The following AHNAK2 variants were observed in gnomAD, a reference collection of about 807,000 sequenced individuals.
The protein encoded by AHNAK2 is protein AHNAK2.
In AHNAK2, 18 loss-of-function variants were observed where a neutral mutation model predicts 30.7. The observed-to-expected ratio is 0.59, with a 90% CI of 0.41 to 0.87. The LOEUF is 0.87. AHNAK2 is among the 40% of genes least tolerant of loss of function. The pLI is 0.00. For synonymous variants in AHNAK2, 3,590 were observed against 3,073.8 expected (o/e 1.17, Z -5.56); for missense variants, 8,604 against 7,373.0 (o/e 1.17, Z -6.11).
Position 104,944,348 on chromosome 14 carries a change from C to G in AHNAK2, c.11103G>C (p.Gln3701His), listed in dbSNP as rs1433270231. ...GGCCCTCCGGGAGCTTCACATCCAT[C>G]TGGCCAGCCTGGACCTTCAGGTCGG... ...PSADLKVQAG[Q>H]MDVKLPEGQV... Residue 3701 changes from glutamine (Q) to histidine (H), a missense_variant, in exon 7 of 7, where the codon CAG becomes CAC. Coordinates refer to ENST00000333244, the MANE Select transcript of AHNAK2 (RefSeq NM_138420.4). 2 of 1,612,076 alleles carry G rather than the reference C, an allele frequency of 1.2e-6. No individual in the cohort carries two copies. The highest frequency in any genetic ancestry group is 2.7e-5 in the African/African-American group (2 of 74,510).
chr14:104,940,216 C>A lies in AHNAK2; in HGVS notation c.15235G>T (p.Ala5079Ser). The A allele has an allele frequency of 1.2e-6, 2 of 1,613,608 alleles. No individual in the cohort carries two copies. Among genetic ancestry groups the A allele is most frequent in the Non-Finnish European group, 1.7e-6 (2 of 1,179,898 alleles). ...GRGGLGATASATGSEGVNLHR... is the reference protein window; with the variant it reads ...GRGGLGATASSTGSEGVNLHR... ...AGGTTCACACCCTCACTTCCTGTGGCACTTGCTGTTGCACCAAGTCCTCCC... is the reference window on the plus strand; with the variant it reads ...AGGTTCACACCCTCACTTCCTGTGGAACTTGCTGTTGCACCAAGTCCTCCC... Residue 5079 changes from alanine to serine, a missense_variant, in exon 7 of 7, where the codon GCC (alanine) becomes TCC (serine). By Grantham distance (99) the Ala-to-Ser change is moderately conservative. Transcript: ENST00000333244. This position sits in a 1 kb window ranked among gnomAD's most constrained non-coding sequence, Gnocchi z 4.4.
At position 104,947,858 on chromosome 14, in the gene AHNAK2, G is replaced by C. The variant is rs576960562; in HGVS notation, c.7593C>G (p.Leu2531=). 92 of 1,612,590 alleles carry C rather than the reference G, an allele frequency of 5.7e-5. 1 individual carries two copies. Among genetic ancestry groups the C allele is most frequent in the African/African-American group, 3.9e-4 (29 of 74,548 alleles). ...SMQGDLKATD[L]SIQPPSADLE... ...GGTCAGCGGAAGGGGGCTGAATGCT[G>C]AGGTCAGTGGCCTTGAGGTCCCCCT... Residue 2531 remains leucine, a synonymous_variant, in exon 7 of 7, where the codon CTC becomes CTG. Transcript: ENST00000333244.
Position 104,947,558 on chromosome 14 carries a change from C to T in AHNAK2, c.7893G>A (p.Glu2631=), listed in dbSNP as rs367650805. The part of the protein sequence containing the change: ...PRAKLDGARL[E]GDLSLADKGV... ...CCTTGTCGGCCAGGGACAGGTCCCC[C>T]TCCAGCCGCGCACCATCCAGCTTTG... The change falls in exon 7 of 7, where the codon GAG becomes GAA. Residue 2631 remains glutamate (E), a synonymous_variant. Transcript: ENST00000333244. 4.8e-5 allele frequency: 77 copies of T among 1,612,998 alleles called. 1 individual carries two copies. The highest frequency in any genetic ancestry group is 6.0e-5 in the Non-Finnish European group (71 of 1,179,740).
At position 104,942,518 on chromosome 14, in the gene AHNAK2, A is replaced by C. The variant is rs371380674; in HGVS notation, c.12933T>G (p.Ser4311=). 1,952 of 1,610,644 alleles carry C rather than the reference A, an allele frequency of 1.2e-3. 12 individuals are homozygous for C. In the African/African-American group the frequency reaches 0.012, roughly 10 times the overall value. ...AGGCCTCGATGGACTTGCCTGGGGCAGACACCCCGAACGACGGCATCTTGA... is the reference window on the plus strand; with the variant it reads ...AGGCCTCGATGGACTTGCCTGGGGCCGACACCCCGAACGACGGCATCTTGA... The part of the protein sequence containing the change: ...PKFKMPSFGV[S]APGKSIEASL... Residue 4311 remains serine (S), a synonymous_variant, in exon 7 of 7, where the codon TCT becomes TCG. Coordinates refer to ENST00000333244, the MANE Select transcript of AHNAK2 (RefSeq NM_138420.4).
rs768747517 is a variant in AHNAK2, at chr14:104,953,322, C to T, written c.2129G>A (p.Ser710Asn). The stretch of plus-strand genomic sequence containing the variant: ...GAGGTCCCCCTGCATGGAGAGGAGG[C>T]TCACGTCGGCCTCCACCTTCGGCGC... ...VSAPKVEADV[S>N]LLSMQGDLKT... Residue 710 changes from serine (S) to asparagine (N), a missense_variant, in exon 7 of 7, where the codon AGC (serine) becomes AAC (asparagine). Ser to Asn is a conservative substitution (Grantham distance 46). Transcript: ENST00000333244. 5.6e-6 allele frequency: 9 copies of T among 1,613,198 alleles called. No individual in the cohort carries two copies. Among genetic ancestry groups the T allele is most frequent in the Middle Eastern group, 1.6e-4 (1 of 6,082 alleles).
intron 1 of AHNAK2, among the ~76,000 whole-genome samples, chr14:104,971,067 A>G (rs1039300124): frequency 1.3e-5 from 2 of 152,118 alleles, no homozygotes; most frequent in African/African-American, 4.8e-5. Flanking sequence ...CACAGCGGCC[A>G]CCACACCTCG....
At position 104,952,778 on chromosome 14, in the gene AHNAK2, C is replaced by T. The variant is rs1452722166; in HGVS notation, c.2673G>A (p.Glu891=). Reference sequence around the variant, plus strand: ...TCACATCCACTTGGCCAGCCTGGACCTCCAGGTCAGCGGAAGGGGGCTGAA... The same window carrying T: ...TCACATCCACTTGGCCAGCCTGGACTTCCAGGTCAGCGGAAGGGGGCTGAA... The part of the protein sequence containing the change: ...LSIQPPSADL[E]VQAGQVDVKL... Residue 891 remains glutamate (E), a synonymous_variant, in exon 7 of 7, where the codon GAG becomes GAA. Transcript: ENST00000333244. The T allele has an allele frequency of 6.2e-7, 1 of 1,612,472 alleles. No individual in the cohort carries two copies. Among genetic ancestry groups the T allele is most frequent in the South Asian group, 1.1e-5 (1 of 91,044 alleles).
intron 1 of AHNAK2, 136 bp downstream of exon 1, chr14:104,978,047 C>A: frequency 1.5e-6 from 1 of 660,446 alleles, no homozygotes; most frequent in African/African-American, 1.9e-5. Flanking sequence ...CAGAACCACG[C>A]GCGAGTCCCG....
rs1377268612 is a variant in AHNAK2 at position 104,948,020 on chromosome 14, A to T, written c.7431T>A (p.Thr2477=). 1.2e-6 allele frequency: 2 copies of T among 1,609,802 alleles called. No individual in the cohort carries two copies. Among genetic ancestry groups the T allele is most frequent in the African/African-American group, 1.4e-5 (1 of 73,452 alleles). Residue 2477 remains threonine, a synonymous_variant, in exon 7 of 7, where the codon ACT becomes ACA. Coordinates refer to ENST00000333244, the MANE Select transcript of AHNAK2 (RefSeq NM_138420.4). ...GDLSVADKDV[T]TKDSRFKIPK... ...GAATTTTGAACCTGCTGTCTTTGGT[A>T]GTCACATCCTTGTCCGCCACAGACA...
At position 104,945,668 on chromosome 14, in the gene AHNAK2, A is replaced by C. The variant is rs28564728; in HGVS notation, c.9783T>G (p.Asp3261Glu). The change falls in exon 7 of 7, where the codon GAT becomes GAG. Residue 3261 changes from aspartate (D) to glutamate (E), a missense_variant. Coordinates refer to ENST00000333244, the MANE Select transcript of AHNAK2 (RefSeq NM_138420.4). Reference protein sequence around the residue: ...PKLDLKGPKMDVTAPDVEVSQ... With the variant: ...PKLDLKGPKMEVTAPDVEVSQ... ...ACACCTCCACGTCGGGGGCCGTCAC[A>C]TCCATCTTCGGGCCTTTCAGGTCCA... 1.6e-5 allele frequency: 24 copies of C among 1,544,450 alleles called. No individual in the cohort carries two copies. In the East Asian group the frequency reaches 3.9e-4, roughly 25 times the overall value.
chr14:104,973,517 G>C (rs962911786), intron 1 of AHNAK2, among the ~76,000 whole-genome samples: 1 of 152,170 alleles, frequency 6.6e-6, no homozygotes, highest in African/African-American at 2.4e-5. Flanking sequence ...TGAGTCATGG[G>C]GCCTCCTGCC....
In AHNAK2 at chr14:104,939,546, G is replaced by T. The variant is rs759777856; in HGVS notation, c.15905C>A (p.Ser5302Tyr). 27 of 1,613,708 alleles carry T rather than the reference G, an allele frequency of 1.7e-5. No homozygotes were observed. Among genetic ancestry groups the T allele is most frequent in the Non-Finnish European group, 4.2e-6 (5 of 1,179,904 alleles). Residue 5302 changes from serine (S) to tyrosine (Y), a missense_variant, in exon 7 of 7, where the codon TCC (serine) becomes TAC (tyrosine). By Grantham distance (144) the Ser-to-Tyr change is moderately radical. Coordinates refer to ENST00000333244, the MANE Select transcript of AHNAK2 (RefSeq NM_138420.4). ...LSTSEVRIHP[S>Y]KGPLPFQMPG... is the part of the protein sequence containing the mutation. ...CATCTGAAAAGGGAGAGGTCCTTTG[G>T]ATGGATGGATCCTGACCTCAGAAGT... is the stretch of plus-strand genomic sequence containing the variant.
At chr14:104,975,353 T>C (rs1272523800) in intron 1 of AHNAK2, among the ~76,000 whole-genome samples, 1 of 152,112 alleles carries the variant, frequency 6.6e-6, no homozygotes, top group Non-Finnish European at 1.5e-5. Context: ...CAGCCCAGCC[T>C]CCCTCCCTGG....
Position 104,954,456 on chromosome 14 carries a change from G to A in AHNAK2, c.995C>T (p.Ser332Leu), listed in dbSNP as rs774684492. 11 of 1,612,372 alleles carry A rather than the reference G, an allele frequency of 6.8e-6. No individual in the cohort carries two copies. Among genetic ancestry groups the A allele is most frequent in the Non-Finnish European group, 9.3e-6 (11 of 1,179,500 alleles). The change falls in exon 7 of 7, where the codon TCG becomes TTG. Residue 332 changes from serine to leucine, a missense_variant. Ser to Leu is a moderately radical substitution (Grantham distance 145). Coordinates refer to ENST00000333244, the MANE Select transcript of AHNAK2 (RefSeq NM_138420.4). The surrounding 1 kb of genome is among the most constrained non-coding windows in gnomAD (Gnocchi z 4.3). ...KFLNLRFRTG[S>L]GQGPSSTGQP... is the part of the protein sequence containing the mutation. ...TCCTGTCGATGAAGGGCCCTGTCCC[G>A]AGCCTGTCCTGAATCTGAGGTTGAG...
chr14:104,973,829 C>T (rs1434794418), intron 1 of AHNAK2, among the ~76,000 whole-genome samples: 2 of 152,232 alleles, frequency 1.3e-5, no homozygotes, highest in Non-Finnish European at 2.9e-5. Context: ...CTCACAAGCA[C>T]ACATTGGGTC....
In AHNAK2 at chr14:104,946,490, C is replaced by A. The variant is rs376525989; in HGVS notation, c.8961G>T (p.Ser2987=). The part of the protein sequence containing the change: ...KFKMPKFKMP[S]FGVSAPGKSI... ...ACTTGCCTGGGGCAGACACCCCGAA[C>A]GACGGCATCTTGAACTTGGGCATTT... The change falls in exon 7 of 7, where the codon TCG becomes TCT. Residue 2987 remains serine (S), a synonymous_variant. Transcript: ENST00000333244. The A allele has an allele frequency of 1.9e-6, 3 of 1,609,392 alleles. No individual in the cohort carries two copies. The highest frequency in any genetic ancestry group is 2.5e-6 in the Non-Finnish European group (3 of 1,178,312).
chr14:104,971,208 G>A (rs1407293854), intron 1 of AHNAK2, among the ~76,000 whole-genome samples: 2 of 152,144 alleles, frequency 1.3e-5, no homozygotes, highest in Non-Finnish European at 2.9e-5. Context: ...TCAAACTCCT[G>A]GACTCAAACC....
At position 104,956,928 on chromosome 14, in the gene AHNAK2, C is replaced by G. The variant is rs1595425389; in HGVS notation, c.214-239G>C. ...CAGCCCACAGCACCCACCCTACAGCCCACAGCGCCCATAGGGAAGCCCCAC... is the reference window on the plus strand; with the variant it reads ...CAGCCCACAGCACCCACCCTACAGCGCACAGCGCCCATAGGGAAGCCCCAC... On this transcript the variant is annotated intron_variant, in intron 3 of 6. Coordinates refer to ENST00000333244, the MANE Select transcript of AHNAK2 (RefSeq NM_138420.4). Among the ~76,000 whole-genome samples, 3 of 152,298 alleles carry G rather than the reference C, an allele frequency of 2.0e-5. 1 individual carries two copies. Among genetic ancestry groups the G allele is most frequent in the Middle Eastern group, 6.8e-3 (2 of 294 alleles).
Position 104,943,111 on chromosome 14 carries a change from GCA to G in AHNAK2, c.12338_12339del (p.Val4113AlafsTer47). 6.2e-7 allele frequency: 1 copy of G among 1,613,112 alleles called. No individual in the cohort carries two copies. The highest frequency in any genetic ancestry group is 8.5e-7 in the Non-Finnish European group (1 of 1,179,560). The stretch of plus-strand genomic sequence containing the variant: ...GCCAGGGACAGGTCCCCCTCCAGCT[GCA>G]CACCATCCAGCTTTGCTCTCGGGGC... ...VQAPRAKLDGVQLEGDLSLAD... is the reference protein window; with the variant it reads ...VQAPRAKLDGXQLEGDLSLAD... On this transcript the variant is annotated frameshift_variant, in exon 7 of 7. Transcript: ENST00000333244. LOFTEE classifies it low-confidence loss of function (END_TRUNC).
Sources: gnomAD v4.1 joint callset for allele counts (sites outside exome capture counted in the v4.1 genomes callset) on GRCh38, gnomAD v4.1.1 for gene constraint, Gnocchi (gnomAD v3.1) non-coding constraint, MANE v1.5 for transcripts, NCBI Gene and HGNC (gene_info 2026-07-23, HGNC 2026-07-21) for gene names.